RPS6KC1: variants seen among roughly 807,000 people sequenced by gnomAD.
RPS6KC1 encodes ribosomal protein S6 kinase C1.
RPS6KC1 carries 54 observed loss-of-function variants against 103.8 expected under a neutral mutation model. That is an observed-to-expected ratio of 0.52 (90% CI 0.42 to 0.65). The LOEUF (loss-of-function observed/expected upper bound fraction) is 0.65, where lower values mean the gene tolerates loss of function less well. Ranked by LOEUF, RPS6KC1 falls within the 30% of genes least tolerant of loss-of-function variation. RPS6KC1 has a pLI of 0.00. For synonymous variants in RPS6KC1, 439 were observed against 438.7 expected (o/e 1.00, Z -0.01); for missense variants, 1,151 against 1,253.8 (o/e 0.92, Z 1.24).
chr1:213,852,386 A>G, the RPS6KC1 span, among the ~76,000 whole-genome samples: 2 of 151,130 alleles, frequency 1.3e-5, no homozygotes, highest in African/African-American at 4.9e-5. Flanking sequence ...ATCTTTACCT[A>G]ATTTTTTTTT....
At chr1:213,156,027 C>T (rs551469238) in intron 6 of RPS6KC1, among the ~76,000 whole-genome samples, 13 of 152,100 alleles carry the variant, frequency 8.5e-5, no homozygotes, top group African/African-American at 3.1e-4. Context: ...GGAAAAATAC[C>T]CCCTTAATTG....
the RPS6KC1 span, among the ~76,000 whole-genome samples, chr1:213,426,218 G>A: frequency 2.6e-5 from 4 of 152,110 alleles, no homozygotes; most frequent in African/African-American, 9.7e-5. Context: ...GCTCCCTTGT[G>A]TCTGGTATTG....
chr1:213,241,161 G>A lies in RPS6KC1; in HGVS notation c.1685G>A (p.Ser562Asn). 1 of 1,613,882 alleles carries A rather than the reference G, an allele frequency of 6.2e-7. No homozygotes were observed. The highest frequency in any genetic ancestry group is 8.5e-7 in the Non-Finnish European group (1 of 1,179,922). Residue 562 changes from serine (S) to asparagine (N), a missense_variant, in exon 11 of 15, where the codon AGC becomes AAC. Around this residue, in one of 3 missense-constraint regions of RPS6KC1, gnomAD observed 959 missense variants for 1,006.3 expected, o/e 0.95. Transcript: ENST00000366960. Reference protein sequence around the residue: ...AHLAADSDSPSTQLRAHELKF... With the variant: ...AHLAADSDSPNTQLRAHELKF... ...CTTGCTGCTGACAGTGACAGCCCCA[G>A]CACACAGCTGAGAGCTCACGAGCTG...
At chr1:213,701,931 T>A in the RPS6KC1 span, among the ~76,000 whole-genome samples, 4 of 152,006 alleles carry the variant, frequency 2.6e-5, no homozygotes, top group African/African-American at 9.7e-5. Flanking sequence ...TGCTCTGATG[T>A]TTGTTATTTC....
the RPS6KC1 span, among the ~76,000 whole-genome samples, chr1:213,505,066 C>G: frequency 2.0e-3 from 300 of 152,258 alleles, no homozygotes; most frequent in African/African-American, 6.6e-3. Context: ...GTGTTTGTCA[C>G]TTACCTAGCC....
the RPS6KC1 span, among the ~76,000 whole-genome samples, chr1:213,701,752 T>C: frequency 1.3e-5 from 2 of 152,086 alleles, no homozygotes; most frequent in African/African-American, 4.8e-5. Context: ...CAGTATTGAT[T>C]GCAATGACTC....
chr1:213,129,867 T>G lies in RPS6KC1; in HGVS notation c.813T>G (p.Asp271Glu). 6.2e-7 allele frequency: 1 copy of G among 1,607,692 alleles called. No homozygotes were observed. The highest frequency in any genetic ancestry group is 8.5e-7 in the Non-Finnish European group (1 of 1,178,580). ...AASDFYRKGV[D>E]LLLEGVQGES... is the part of the protein sequence containing the mutation. ...CTGATTTTTATAGGAAGGGAGTTGA[T>G]TTACTCCTAGAAGGTGTTCAAGGTA... is the stretch of plus-strand genomic sequence containing the variant. Residue 271 changes from aspartate to glutamate, a missense_variant, in exon 6 of 15, where the codon GAT (aspartate) becomes GAG (glutamate). By Grantham distance (45) the Asp-to-Glu change is conservative. Around this residue, in one of 3 missense-constraint regions of RPS6KC1, gnomAD observed 959 missense variants for 1,006.3 expected, o/e 0.95. Transcript: ENST00000366960.
chr1:213,545,434 A>AT, the RPS6KC1 span, among the ~76,000 whole-genome samples: 25 of 76,662 alleles, frequency 3.3e-4, no homozygotes, highest in African/African-American at 7.7e-4. Context: ...ATAAAATAAA[A>AT]GAGAGAGAGA....
At chr1:213,322,910 GCTT>G in the RPS6KC1 span, among the ~76,000 whole-genome samples, 1 of 87,766 alleles carries the variant, frequency 1.1e-5, no homozygotes, top group African/African-American at 4.3e-5. Context: ...ACCATGCCCA[GCTT>G]TTTTTTTTTT....
At chr1:213,644,150 C>G in the RPS6KC1 span, among the ~76,000 whole-genome samples, 1 of 151,876 alleles carries the variant, frequency 6.6e-6, no homozygotes, top group African/African-American at 2.4e-5. Flanking sequence ...TTATATTTAT[C>G]CATCTAAAAA....
chr1:213,222,405 A>G (rs531292497), intron 8 of RPS6KC1, among the ~76,000 whole-genome samples: 4 of 152,350 alleles, frequency 2.6e-5, no homozygotes, highest in East Asian at 1.9e-4. Context: ...CATCAGTGGA[A>G]AACTTATGAA....
chr1:213,586,552 A>G, the RPS6KC1 span, among the ~76,000 whole-genome samples: 1 of 152,236 alleles, frequency 6.6e-6, no homozygotes, highest in Non-Finnish European at 1.5e-5. Flanking sequence ...AAATGCATGC[A>G]TTGCAATTTT....
chr1:213,389,200 T>G, the RPS6KC1 span, among the ~76,000 whole-genome samples: 2 of 151,854 alleles, frequency 1.3e-5, no homozygotes, highest in African/African-American at 2.4e-5. Flanking sequence ...CAAATGGTAA[T>G]GTACCAACAG....
the RPS6KC1 span, among the ~76,000 whole-genome samples, chr1:213,363,802 CT>C: frequency 0.015 from 1,050 of 71,120 alleles, 173 homozygotes; most frequent in Middle Eastern, 0.045. Context: ...TTCTTTCTTT[CT>C]TTCTTTCTTT....
intron 8 of RPS6KC1, among the ~76,000 whole-genome samples, chr1:213,206,158 G>T (rs1338731782): frequency 6.6e-6 from 1 of 152,180 alleles, no homozygotes; most frequent in Non-Finnish European, 1.5e-5. Flanking sequence ...CATTTTTAGA[G>T]ATAGCATTGT....
chr1:213,325,797 A>G, the RPS6KC1 span, among the ~76,000 whole-genome samples: 21 of 152,358 alleles, frequency 1.4e-4, no homozygotes, highest in South Asian at 6.2e-4. Flanking sequence ...TGTCCTGCTC[A>G]CAAACCTTGG....
chr1:213,837,651 T>C, the RPS6KC1 span, among the ~76,000 whole-genome samples: 1 of 152,164 alleles, frequency 6.6e-6, no homozygotes, highest in Non-Finnish European at 1.5e-5. Context: ...CTGCACTGGT[T>C]TTTATCTTTA....
At chr1:213,606,647 C>G in the RPS6KC1 span, among the ~76,000 whole-genome samples, 5 of 152,182 alleles carry the variant, frequency 3.3e-5, no homozygotes, top group Admixed American at 2.0e-4. Flanking sequence ...ACGAGCCAAG[C>G]TGTTCTCAAG....
the RPS6KC1 span, among the ~76,000 whole-genome samples, chr1:213,548,783 G>T: frequency 6.6e-6 from 1 of 152,182 alleles, no homozygotes; most frequent in Non-Finnish European, 1.5e-5. Context: ...TAATCTATAT[G>T]GTGGGCTCAT....
Sources: gnomAD v4.1 joint callset for allele counts (sites outside exome capture counted in the v4.1 genomes callset) on GRCh38, gnomAD v4.1.1 for gene constraint, gnomAD v4.1.1 regional missense constraint, MANE v1.5 for transcripts, NCBI Gene and HGNC (gene_info 2026-07-23, HGNC 2026-07-21) for gene names.